The following CD47 variants were observed in gnomAD, a reference collection of about 807,000 sequenced individuals.
CD47 encodes CD47 molecule.
CD47 carries 11 observed loss-of-function variants against 44.6 expected under a neutral mutation model. That is an observed-to-expected ratio of 0.25 (90% confidence interval 0.16 to 0.41). The LOEUF is 0.41. Ranked by LOEUF, CD47 falls within the 10% of genes least tolerant of loss-of-function variation. The probability of loss-of-function intolerance (pLI) is 1.00; values close to 1 mark genes in which losing one functional copy is unlikely to be tolerated. For missense variants in CD47, 306 were observed against 386.7 expected, an observed-to-expected ratio of 0.79 and a Z score of 1.75; for synonymous variants, 140 against 136.3, an observed-to-expected ratio of 1.03 and a Z score of -0.19.
In CD47 at chr3:108,080,279, C is replaced by A. The variant is rs377560018; in HGVS notation, c.112G>T (p.Val38Phe). The A allele has an allele frequency of 6.2e-7, 1 of 1,611,824 alleles. No individual in the cohort carries two copies. The highest frequency in any genetic ancestry group is 1.7e-5 in the Admixed American group (1 of 59,888). Residue 38 changes from valine to phenylalanine, a missense_variant, in exon 2 of 11, where the codon GTC becomes TTC. Transcript: ENST00000361309. ...VEFTFCNDTVVIPCFVTNMEA... is the reference protein window; with the variant it reads ...VEFTFCNDTVFIPCFVTNMEA... ...ATATTAGTAACAAAGCATGGAATGA[C>A]GACAGTGTCATTACAAAACGTGAAT...
chr3:108,065,704 C>T (rs752950110), intron 3 of CD47, among the ~76,000 whole-genome samples: 7 of 149,458 alleles, frequency 4.7e-5, no homozygotes, highest in East Asian at 2.0e-4. Context: ...TGTAGCTACT[C>T]GGGAGGCTGA....
rs542565635 is a variant in CD47, at chr3:108,071,342, A to G, written c.401-160T>C. 3.9e-5 allele frequency among the ~76,000 whole-genome samples: 6 copies of G among 152,344 alleles called. No individual in the cohort carries two copies. In the East Asian group the frequency reaches 1.2e-3, roughly 29 times the overall value. On this transcript the variant is annotated intron_variant, in intron 2 of 10. Coordinates refer to ENST00000361309, the MANE Select transcript of CD47 (RefSeq NM_001777.4). ...ATTTATACATACACACATATACATAAAACAAATTACACATAATGTACTTAT... is the reference window on the plus strand; with the variant it reads ...ATTTATACATACACACATATACATAGAACAAATTACACATAATGTACTTAT...
chr3:108,087,106 C>G (rs1030086821), intron 1 of CD47, among the ~76,000 whole-genome samples: 2 of 152,124 alleles, frequency 1.3e-5, no homozygotes, highest in Non-Finnish European at 2.9e-5. Context: ...TAAGAAGTCT[C>G]AGCAGCCTCT....
rs548346208 is a variant in CD47 at position 108,050,569 on chromosome 3, AC to A, written c.934+8del. 361 of 1,199,306 alleles carry A rather than the reference AC, an allele frequency of 3.0e-4. 1 individual carries two copies. The African/African-American group carries it at 5.0e-3, about 17-fold the overall frequency. The allele number at this position is 1,199,306 out of a possible 1,614,324, so 74.3% of individuals were successfully genotyped here. Reference sequence around the variant, plus strand: ...CTGGTAAAGGATTAAGAGTGAAATAACCACATACCATTAAGGGGTTCCTCTA... The same window carrying A: ...CTGGTAAAGGATTAAGAGTGAAATAACACATACCATTAAGGGGTTCCTCTA... On this transcript the variant is annotated splice_region_variant and intron_variant, in intron 9 of 10. Transcript: ENST00000361309.
intron 3 of CD47, among the ~76,000 whole-genome samples, chr3:108,070,352 T>TAG (rs916445677): frequency 1.3e-5 from 2 of 152,238 alleles, no homozygotes; most frequent in Admixed American, 1.3e-4. Flanking sequence ...CTTAAAAGTT[T>TAG]AGACTGTCAC....
intron 9 of CD47, 48 bp downstream of exon 9, chr3:108,050,530 G>A: frequency 1.1e-6 from 1 of 911,726 alleles, no homozygotes; most frequent in South Asian, 1.5e-5. Flanking sequence ...TTGCGGGCCA[G>A]ATCAAATTAT....
At chr3:108,058,272 G>C in intron 6 of CD47, 65 bp downstream of exon 6, 1 of 877,124 alleles carries the variant, frequency 1.1e-6, no homozygotes, top group Non-Finnish European at 1.7e-6. Flanking sequence ...GAAAGAAAAA[G>C]AAAAAGGAAG....
At chr3:108,057,386 G>T in intron 7 of CD47, 91 bp downstream of exon 7, 3 of 641,310 alleles carry the variant, frequency 4.7e-6, no homozygotes, top group East Asian at 2.8e-5. Context: ...CTCATTTTTG[G>T]TCCTAAACTG....
Position 108,086,922 on chromosome 3 carries a change from T to A in CD47, c.46+3941A>T, listed in dbSNP as rs74372184. Reference sequence around the variant, plus strand: ...TCCTTTCGTTGGAAAAGTGAGTAGGTTTTCTTCTGAAGCTGGATGACGGAA... The same window carrying A: ...TCCTTTCGTTGGAAAAGTGAGTAGGATTTCTTCTGAAGCTGGATGACGGAA... On this transcript the variant is annotated intron_variant, in intron 1 of 10. Coordinates refer to ENST00000361309, the MANE Select transcript of CD47 (RefSeq NM_001777.4). Among the ~76,000 whole-genome samples the A allele has an allele frequency of 7.8e-3, 1,193 of 152,160 alleles. 17 individuals carry two copies. The highest frequency in any genetic ancestry group is 0.025 in the African/African-American group (1,045 of 41,514).
At position 108,090,926 on chromosome 3, in the gene CD47, G is replaced by T; in HGVS notation, c.-18C>A. The T allele has an allele frequency of 1.4e-6, 2 of 1,465,290 alleles. No individual in the cohort carries two copies. The highest frequency in any genetic ancestry group is 3.0e-5 in the East Asian group (1 of 33,746). The allele number at this position is 1,465,290 out of a possible 1,614,324, so 90.8% of individuals were successfully genotyped here. A position where few individuals can be genotyped will look rare whatever the true frequency, so the allele number is the denominator to read the frequency against. On this transcript the variant is annotated 5_prime_UTR_variant, in exon 1 of 11. Transcript: ENST00000361309. ...GGCCACATCTCCGCGCCCGCCGCGGGGTCGCCGCCGCCGCCGCAGGTGTCC... is the reference window on the plus strand; with the variant it reads ...GGCCACATCTCCGCGCCCGCCGCGGTGTCGCCGCCGCCGCCGCAGGTGTCC...
At chr3:108,052,023 G>T in intron 7 of CD47, 53 bp from the exon 8 acceptor site, 1 of 868,184 alleles carries the variant, frequency 1.2e-6, no homozygotes, top group Non-Finnish European at 1.9e-6. Flanking sequence ...ATAAACTAAG[G>T]CATTTGGTAA....
chr3:108,079,039 AT>A (rs1488798851), intron 2 of CD47, among the ~76,000 whole-genome samples: 1 of 152,080 alleles, frequency 6.6e-6, no homozygotes, highest in Non-Finnish European at 1.5e-5. Flanking sequence ...ATGTGCAAAC[AT>A]TTCATCAAAC....
chr3:108,062,036 A>G (rs991164873), intron 3 of CD47, among the ~76,000 whole-genome samples: 1 of 152,144 alleles, frequency 6.6e-6, no homozygotes, highest in African/African-American at 2.4e-5. Context: ...TATAACCTCA[A>G]TTTTAGTCTC....
At chr3:108,072,004 T>C (rs1481353086) in intron 2 of CD47, among the ~76,000 whole-genome samples, 1 of 152,210 alleles carries the variant, frequency 6.6e-6, no homozygotes, top group Non-Finnish European at 1.5e-5. Flanking sequence ...ATGTTACTTT[T>C]ATCATAAAAA....
At position 108,057,475 on chromosome 3, in the gene CD47, AC is replaced by A; in HGVS notation, c.877+1del. 1 of 1,367,896 alleles carries A rather than the reference AC, an allele frequency of 7.3e-7. No individual in the cohort carries two copies. The highest frequency in any genetic ancestry group is 1.0e-6 in the Non-Finnish European group (1 of 959,426). The allele number at this position is 1,367,896 out of a possible 1,614,324, so 84.7% of individuals were successfully genotyped here. A position where few individuals can be genotyped will look rare whatever the true frequency, so the allele number is the denominator to read the frequency against. On this transcript the variant is annotated splice_donor_variant, in intron 7 of 10. Transcript: ENST00000361309. LOFTEE classifies it high-confidence loss of function. ...AGGTTAATGAAAATAAGATTGACTT[AC>A]CCACAAATTTCATATAAACTAGTCC... is the stretch of plus-strand genomic sequence containing the variant.
At chr3:108,069,511 G>GTT (rs71299349) in intron 3 of CD47, among the ~76,000 whole-genome samples, 39 of 140,492 alleles carry the variant, frequency 2.8e-4, no homozygotes, top group Admixed American at 3.5e-4. Context: ...CTACAGATGA[G>GTT]TTTTTTTTTT....
In CD47 at chr3:108,060,873, A is replaced by C. The variant is rs769177560; in HGVS notation, c.491-21T>G. The C allele has an allele frequency of 6.7e-7, 1 of 1,495,520 alleles. No individual in the cohort carries two copies. Among genetic ancestry groups the C allele is most frequent in the African/African-American group, 1.4e-5 (1 of 72,624 alleles). The allele number at this position is 1,495,520 out of a possible 1,614,324, so 92.6% of individuals were successfully genotyped here. On this transcript the variant is annotated intron_variant, in intron 3 of 10. Transcript: ENST00000361309. Reference sequence around the variant, plus strand: ...AAGTGCTTAAAAAAGAAAAACAAAGAATTATATGAACTCAATCACAAGTGA... The same window carrying C: ...AAGTGCTTAAAAAAGAAAAACAAAGCATTATATGAACTCAATCACAAGTGA...
At chr3:108,085,633 T>C (rs1182316490) in intron 1 of CD47, among the ~76,000 whole-genome samples, 1 of 152,198 alleles carries the variant, frequency 6.6e-6, no homozygotes, top group African/African-American at 2.4e-5. Flanking sequence ...ATGTTGTCAC[T>C]GTACCTACTA....
At chr3:108,049,544 T>C in intron 10 of CD47, 75 bp downstream of exon 10, 1 of 933,596 alleles carries the variant, frequency 1.1e-6, no homozygotes, top group Non-Finnish European at 1.7e-6. Flanking sequence ...AGAGCCACAT[T>C]TTCAAGAAGC....
Sources: allele counts gnomAD v4.1 joint callset (sites outside exome capture counted in the v4.1 genomes callset), GRCh38; gene constraint gnomAD v4.1.1; transcripts MANE v1.5; gene names NCBI Gene and HGNC (gene_info 2026-07-23, HGNC 2026-07-21).